SCAMP5: variants seen among roughly 807,000 people sequenced by gnomAD.
SCAMP5 encodes the protein secretory carrier-associated membrane protein 5.
A neutral mutation model predicts 28.3 loss-of-function variants in SCAMP5; 7 were observed. The observed-to-expected ratio is 0.25, with a 90% CI of 0.14 to 0.46. The LOEUF (loss-of-function observed/expected upper bound fraction) is 0.46, where lower values mean the gene tolerates loss of function less well. Among genes scored for constraint, SCAMP5 ranks in the 20% least tolerant of loss-of-function variants. The probability of loss-of-function intolerance (pLI) is 0.99; values close to 1 mark genes in which losing one functional copy is unlikely to be tolerated. For missense variants in SCAMP5, 192 were observed against 312.5 expected, an observed-to-expected ratio of 0.61 and a Z score of 2.91; for synonymous variants, 117 against 116.4, an observed-to-expected ratio of 1.00 and a Z score of -0.03.
intron 1 of SCAMP5, among the ~76,000 whole-genome samples, chr15:75,002,757 A>G (rs1295627247): frequency 6.6e-6 from 1 of 150,474 alleles, no homozygotes; most frequent in Non-Finnish European, 1.5e-5. Context: ...TTTTCTGCTT[A>G]ACTTTCTTGA....
At chr15:75,007,991 C>T (rs1219550647) in intron 1 of SCAMP5, among the ~76,000 whole-genome samples, 1 of 152,156 alleles carries the variant, frequency 6.6e-6, no homozygotes, top group African/African-American at 2.4e-5. Flanking sequence ...TGAACCACTG[C>T]ACCCGGCCTG....
Position 75,018,732 on chromosome 15 carries a change from C to A in SCAMP5, c.514-57C>A. On this transcript the variant is annotated intron_variant, in intron 6 of 6. Transcript: ENST00000425597. This position sits in a 1 kb window ranked among gnomAD's most constrained non-coding sequence, Gnocchi z 5.6. ...TTTACAGATGGGTCCCATCTATTTC[C>A]TGGATGGGCTGCCTTTTCTCTTTGA... 1 of 1,349,870 alleles carries A rather than the reference C, an allele frequency of 7.4e-7. No individual in the cohort carries two copies. The highest frequency in any genetic ancestry group is 1.1e-6 in the Non-Finnish European group (1 of 948,568). The allele number at this position is 1,349,870 out of a possible 1,614,324, so 83.6% of individuals were successfully genotyped here.
At chr15:75,005,391 C>T (rs1026523898) in intron 1 of SCAMP5, among the ~76,000 whole-genome samples, 1 of 150,432 alleles carries the variant, frequency 6.6e-6, no homozygotes, top group Non-Finnish European at 1.5e-5. Context: ...ACTTGGGAGG[C>T]GGAGGTTGCG....
At chr15:74,999,845 A>G (rs910273814) in intron 1 of SCAMP5, among the ~76,000 whole-genome samples, 2 of 152,220 alleles carry the variant, frequency 1.3e-5, no homozygotes, top group Admixed American at 1.3e-4. Flanking sequence ...TGCCATATCA[A>G]CTTGTCACCT....
intron 1 of SCAMP5, among the ~76,000 whole-genome samples, chr15:75,007,409 A>G (rs2065770387): frequency 6.6e-6 from 1 of 152,096 alleles, no homozygotes; most frequent in African/African-American, 2.4e-5. Context: ...TTTTTTTGAG[A>G]CAGGGTCTTG....
At chr15:75,014,785 G>A (rs2065844787) in intron 3 of SCAMP5, among the ~76,000 whole-genome samples, 1 of 152,222 alleles carries the variant, frequency 6.6e-6, no homozygotes, top group Non-Finnish European at 1.5e-5. Flanking sequence ...CAGAATAATT[G>A]CAGCAGAGGT....
chr15:75,000,872 T>G (rs1255334497), intron 1 of SCAMP5, among the ~76,000 whole-genome samples: 1 of 152,036 alleles, frequency 6.6e-6, no homozygotes, highest in Non-Finnish European at 1.5e-5. Context: ...CTCTGCCTCT[T>G]TCGTTCCTTA....
Position 75,018,687 on chromosome 15 carries a change from G to A in SCAMP5, c.514-102G>A, listed in dbSNP as rs2065879942. ...GACTCTCCTACAGAGGCATTCATGG[G>A]GAGGGAGCACTGTTTTTTTTTTACA... On this transcript the variant is annotated intron_variant, in intron 6 of 6. Transcript: ENST00000425597. This position sits in a 1 kb window ranked among gnomAD's most constrained non-coding sequence, Gnocchi z 5.6. 1 of 1,053,568 alleles carries A rather than the reference G, an allele frequency of 9.5e-7. No homozygotes were observed. Among genetic ancestry groups the A allele is most frequent in the Non-Finnish European group, 1.5e-6 (1 of 685,156 alleles). The allele number at this position is 1,053,568 out of a possible 1,614,324, so 65.3% of individuals were successfully genotyped here. A position where few individuals can be genotyped will look rare whatever the true frequency, so the allele number is the denominator to read the frequency against.
In SCAMP5 at chr15:75,014,504, A is replaced by C. The variant is rs543809653; in HGVS notation, c.136+1699A>C. Among the ~76,000 whole-genome samples, 11 of 152,344 alleles carry C rather than the reference A, an allele frequency of 7.2e-5. No homozygotes were observed. The South Asian group carries it at 1.7e-3, about 23-fold the overall frequency. On this transcript the variant is annotated intron_variant, in intron 3 of 6. Coordinates refer to ENST00000425597, the MANE Select transcript of SCAMP5 (RefSeq NM_138967.4). ...CCGGCCCCTAAGATTTCTGGGCCACACACAAGGTTCATTTGACATTGGCTG... is the reference window on the plus strand; with the variant it reads ...CCGGCCCCTAAGATTTCTGGGCCACCCACAAGGTTCATTTGACATTGGCTG...
chr15:74,999,593 CAAAACAAAAACA>C (rs763051950), intron 1 of SCAMP5, among the ~76,000 whole-genome samples: 18 of 151,570 alleles, frequency 1.2e-4, no homozygotes, highest in African/African-American at 4.4e-4. Flanking sequence ...GACTCCATCT[CAAAACAAAAACA>C]AAAACAAAAA....
chr15:75,002,860 G>A (rs574108376), intron 1 of SCAMP5, among the ~76,000 whole-genome samples: 1 of 151,700 alleles, frequency 6.6e-6, no homozygotes, highest in African/African-American at 2.4e-5. Flanking sequence ...TGAACATTTT[G>A]ATATTTCTGA....
chr15:75,016,498 T>C (rs2065860552), intron 3 of SCAMP5, 95 bp from the exon 4 acceptor site: 6 of 1,180,492 alleles, frequency 5.1e-6, no homozygotes. Context: ...TCTGTTGCGT[T>C]ACTGGTGTGT....
At position 75,018,291 on chromosome 15, in the gene SCAMP5, A is replaced by G. The variant is rs754778405; in HGVS notation, c.396-127A>G. On this transcript the variant is annotated intron_variant, in intron 5 of 6. Transcript: ENST00000425597. This position sits in a 1 kb window ranked among gnomAD's most constrained non-coding sequence, Gnocchi z 5.6. ...TGGCACAGGTTCTTTGGGTATCAGT[A>G]AGATGGTCCCTCTGCATCCAGTGAT... is the stretch of plus-strand genomic sequence containing the variant. 1.3e-4 allele frequency: 99 copies of G among 736,546 alleles called. 1 individual carries two copies. The highest frequency in any genetic ancestry group is 7.4e-4 in the Middle Eastern group (2 of 2,690). 45.6% of individuals were successfully genotyped at this position (736,546 alleles called of 1,614,324 possible).
intron 3 of SCAMP5, among the ~76,000 whole-genome samples, chr15:75,014,083 G>T (rs1306694073): frequency 6.6e-6 from 1 of 152,180 alleles, no homozygotes; most frequent in Non-Finnish European, 1.5e-5. Flanking sequence ...TACCCGCAAT[G>T]TAACTGCAGT....
chr15:74,995,604 C>A lies in SCAMP5; in HGVS notation c.-118C>A, dbSNP rs2141415657. 1 of 148,400 alleles carries A rather than the reference C, an allele frequency of 6.7e-6. No individual in the cohort carries two copies. Among genetic ancestry groups the A allele is most frequent in the South Asian group, 2.1e-4 (1 of 4,824 alleles). The allele number at this position is 148,400 out of a possible 1,614,324, so 9.2% of individuals were successfully genotyped here. A position where few individuals can be genotyped will look rare whatever the true frequency, so the allele number is the denominator to read the frequency against. ...GGAGCGGCTCGCGGCCGGCTCCGCG[C>A]CGCATCGCTCGGGTGCAGCGCAGCT... On this transcript the variant is annotated 5_prime_UTR_variant, in exon 1 of 7. Coordinates refer to ENST00000425597, the MANE Select transcript of SCAMP5 (RefSeq NM_138967.4).
At chr15:75,012,548 G>C (rs1439654835) in intron 2 of SCAMP5, 129 bp from the exon 3 acceptor site, 7 of 1,072,804 alleles carry the variant, frequency 6.5e-6, no homozygotes, top group South Asian at 2.8e-5. Context: ...AGGGACGGCT[G>C]GGTGGGGAAA....
At chr15:75,003,924 G>T (rs761037792) in intron 1 of SCAMP5, among the ~76,000 whole-genome samples, 22 of 148,390 alleles carry the variant, frequency 1.5e-4, no homozygotes, top group Non-Finnish European at 3.1e-4. Flanking sequence ...TTTTTTTTGA[G>T]ATGGAGTTTC....
At chr15:75,015,925 CAAA>C (rs71308031) in intron 3 of SCAMP5, among the ~76,000 whole-genome samples, 9 of 63,046 alleles carry the variant, frequency 1.4e-4, no homozygotes, top group Non-Finnish European at 2.2e-4. Flanking sequence ...AATTCCATCT[CAAA>C]AAAAAAAAAA....
At position 75,018,746 on chromosome 15, in the gene SCAMP5, T is replaced by G. The variant is rs746961003; in HGVS notation, c.514-43T>G. ...CCATCTATTTCCTGGATGGGCTGCC[T>G]TTTCTCTTTGATTAACCCTTCTTTA... is the stretch of plus-strand genomic sequence containing the variant. On this transcript the variant is annotated intron_variant, in intron 6 of 6. Coordinates refer to ENST00000425597, the MANE Select transcript of SCAMP5 (RefSeq NM_138967.4). The surrounding 1 kb of genome is among the most constrained non-coding windows in gnomAD (Gnocchi z 5.6). 6.8e-7 allele frequency: 1 copy of G among 1,481,024 alleles called. No individual in the cohort carries two copies. Among genetic ancestry groups the G allele is most frequent in the Non-Finnish European group, 9.4e-7 (1 of 1,065,662 alleles). The allele number at this position is 1,481,024 out of a possible 1,614,324, so 91.7% of individuals were successfully genotyped here.
Sources: allele counts gnomAD v4.1 joint callset (sites outside exome capture counted in the v4.1 genomes callset), GRCh38; gene constraint gnomAD v4.1.1; non-coding constraint Gnocchi (gnomAD v3.1); transcripts MANE v1.5; gene names NCBI Gene and HGNC (gene_info 2026-07-23, HGNC 2026-07-21).